The following TECPR2 variants were observed in gnomAD, a reference collection of about 807,000 sequenced individuals.
TECPR2 encodes tectonin beta-propeller repeat containing 2.
A neutral mutation model predicts 138.1 loss-of-function variants in TECPR2; 65 were observed. The ratio of observed to expected loss-of-function variants is 0.47; its 90% CI spans 0.39 to 0.58. The LOEUF (loss-of-function observed/expected upper bound fraction) is 0.58. Ranked by LOEUF, TECPR2 falls within the 20% of genes least tolerant of loss-of-function variation. TECPR2 has a pLI of 0.00. For missense variants in TECPR2, 1,553 were observed against 1,824.5 expected (o/e 0.85, Z 2.71); for synonymous variants, 746 against 749.8 (o/e 0.99, Z 0.08).
At chr14:102,464,012 CAG>C (rs1477511017) in intron 16 of TECPR2, among the ~76,000 whole-genome samples, 5 of 152,222 alleles carry the variant, frequency 3.3e-5, no homozygotes, top group African/African-American at 1.2e-4. Context: ...TCTCAGAGGT[CAG>C]AGGTTGCTGA....
rs145464166 is a variant in TECPR2, at chr14:102,493,151, G to A, written c.3790-3828G>A. The stretch of plus-strand genomic sequence containing the variant: ...ATCTCCTCCTCTCTCCATCATTCCC[G>A]TTGTCCTTGACTTACTATTCAAAAG... On this transcript the variant is annotated intron_variant, in intron 17 of 19. Coordinates refer to ENST00000359520, the MANE Select transcript of TECPR2 (RefSeq NM_014844.5). Among the ~76,000 whole-genome samples the A allele has an allele frequency of 2.0e-3, 307 of 152,260 alleles. 1 individual carries two copies. The highest frequency in any genetic ancestry group is 7.2e-3 in the African/African-American group (300 of 41,552).
At chr14:102,397,989 C>T (rs1181944045) in intron 2 of TECPR2, among the ~76,000 whole-genome samples, 4 of 148,530 alleles carry the variant, frequency 2.7e-5, no homozygotes, top group Non-Finnish European at 4.4e-5. Flanking sequence ...AGGAGAATCA[C>T]TTGTACCCGG....
At chr14:102,482,317 A>G (rs907787857) in intron 17 of TECPR2, among the ~76,000 whole-genome samples, 2 of 152,166 alleles carry the variant, frequency 1.3e-5, no homozygotes, top group Admixed American at 1.3e-4. Flanking sequence ...TGGCCTCCCA[A>G]AGTGCTGGGA....
At chr14:102,465,384 G>T in intron 17 of TECPR2, 95 bp downstream of exon 17, 1 of 1,511,678 alleles carries the variant, frequency 6.6e-7, no homozygotes. Context: ...AGCCTCTAGA[G>T]GCCTCCCAGC....
intron 17 of TECPR2, among the ~76,000 whole-genome samples, chr14:102,481,398 C>G (rs1890891284): frequency 6.6e-6 from 1 of 152,222 alleles, no homozygotes; most frequent in Admixed American, 6.5e-5. Context: ...ATCCACCTGT[C>G]TTGGCCTCCC....
At chr14:102,370,837 G>A (rs1887486401) in intron 1 of TECPR2, among the ~76,000 whole-genome samples, 1 of 152,184 alleles carries the variant, frequency 6.6e-6, no homozygotes, top group African/African-American at 2.4e-5. Context: ...ACACACTGAG[G>A]TGTGTGGGAG....
At chr14:102,451,446 T>C (rs1036567511) in intron 15 of TECPR2, among the ~76,000 whole-genome samples, 2 of 152,238 alleles carry the variant, frequency 1.3e-5, no homozygotes, top group African/African-American at 2.4e-5. Flanking sequence ...ACCACAGTTC[T>C]GGAACCCAGA....
At chr14:102,493,686 C>CGAGT (rs1891207318) in intron 17 of TECPR2, among the ~76,000 whole-genome samples, 2 of 152,176 alleles carry the variant, frequency 1.3e-5, no homozygotes, top group African/African-American at 4.8e-5. Context: ...GTCCTGGCAC[C>CGAGT]CCTGCCCTCC....
intron 17 of TECPR2, among the ~76,000 whole-genome samples, chr14:102,485,069 C>A (rs1279890119): frequency 6.6e-6 from 1 of 152,242 alleles, no homozygotes; most frequent in African/African-American, 2.4e-5. Context: ...CTGGCTTCTT[C>A]AGCGCCCTGC....
Position 102,428,397 on chromosome 14 carries a change from T to G in TECPR2, c.1084+15T>G. On this transcript the variant is annotated intron_variant, in intron 7 of 19. Transcript: ENST00000359520. ...AACATCAACAGGTTTGTATTTATTA[T>G]AAAATGTACCATGTATATGATGGGA... 1.2e-6 allele frequency: 2 copies of G among 1,608,092 alleles called. No individual in the cohort carries two copies. The highest frequency in any genetic ancestry group is 1.7e-6 in the Non-Finnish European group (2 of 1,178,456).
chr14:102,499,445 C>T lies in TECPR2; in HGVS notation c.*1188C>T. On this transcript the variant is annotated 3_prime_UTR_variant, in exon 20 of 20. Transcript: ENST00000359520. Reference sequence around the variant, plus strand: ...TGTTCCTTCCCGGGTTTGTCCTGAGCCTGCACTGTCCTCGCCTGCAGCCTC... The same window carrying T: ...TGTTCCTTCCCGGGTTTGTCCTGAGTCTGCACTGTCCTCGCCTGCAGCCTC... The T allele has an allele frequency of 3.6e-6, 2 of 560,020 alleles. No individual in the cohort carries two copies. Among genetic ancestry groups the T allele is most frequent in the Non-Finnish European group, 3.2e-6 (1 of 312,136 alleles). The allele number at this position is 560,020 out of a possible 1,614,324, so 34.7% of individuals were successfully genotyped here.
chr14:102,480,427 T>C (rs1395026253), intron 17 of TECPR2, among the ~76,000 whole-genome samples: 1 of 152,078 alleles, frequency 6.6e-6, no homozygotes, highest in East Asian at 1.9e-4. Context: ...GTTTTCACTG[T>C]GTTAGCCAGG....
At chr14:102,425,389 G>A in intron 6 of TECPR2, 98 bp downstream of exon 6, 1 of 1,286,450 alleles carries the variant, frequency 7.8e-7, no homozygotes, top group Non-Finnish European at 1.0e-6. Flanking sequence ...GCTACCAGGA[G>A]CAGTATTGAC....
At chr14:102,392,515 A>C (rs1389159347) in intron 2 of TECPR2, among the ~76,000 whole-genome samples, 1 of 151,896 alleles carries the variant, frequency 6.6e-6, no homozygotes, top group Non-Finnish European at 1.5e-5. Flanking sequence ...TCTATTTCCA[A>C]TAGTAGTTGT....
chr14:102,435,442 A>T lies in TECPR2; in HGVS notation c.2394+231A>T, dbSNP rs146304206. Among the ~76,000 whole-genome samples the T allele has an allele frequency of 3.3e-3, 509 of 152,280 alleles. 2 individuals are homozygous for T. Among genetic ancestry groups the T allele is most frequent in the Middle Eastern group, 0.01 (3 of 294 alleles). On this transcript the variant is annotated intron_variant, in intron 9 of 19. Transcript: ENST00000359520. ...CCCTGCTCAGTAACCTGCCTCCCCAACCAAGGTAGCGTCTTGCTGTTTCCT... is the reference window on the plus strand; with the variant it reads ...CCCTGCTCAGTAACCTGCCTCCCCATCCAAGGTAGCGTCTTGCTGTTTCCT...
At position 102,457,869 on chromosome 14, in the gene TECPR2, C is replaced by CTTTTTTTTTTTTTTTT. The variant is rs748372168; in HGVS notation, c.3640+5248_3640+5263dup. Reference sequence around the variant, plus strand: ...CGCTCCTCTGCTCCCACTAAATTCCCTTTTTTTTTTTTTTTTTTTTTGAGA... The same window carrying CTTTTTTTTTTTTTTTT: ...CGCTCCTCTGCTCCCACTAAATTCCCTTTTTTTTTTTTTTTTTTTTTTTTTTTTTTTTTTTTTGAGA... On this transcript the variant is annotated intron_variant, in intron 16 of 19. Transcript: ENST00000359520. 5.0e-4 allele frequency among the ~76,000 whole-genome samples: 51 copies of CTTTTTTTTTTTTTTTT among 102,742 alleles called. 7 individuals carry two copies. Among genetic ancestry groups the CTTTTTTTTTTTTTTTT allele is most frequent in the African/African-American group, 1.5e-3 (37 of 24,488 alleles). The allele number at this position is 102,742 out of a possible 152,430, so 67.4% of individuals were successfully genotyped here.
intron 2 of TECPR2, among the ~76,000 whole-genome samples, 183 bp from the exon 3 acceptor site, chr14:102,407,155 C>T (rs1191624084): frequency 1.3e-5 from 2 of 152,224 alleles, no homozygotes; most frequent in Admixed American, 6.5e-5. Context: ...CCACCACGCC[C>T]AGCCCTGTTT....
At chr14:102,387,018 C>T (rs1385260615) in intron 2 of TECPR2, among the ~76,000 whole-genome samples, 3 of 152,054 alleles carry the variant, frequency 2.0e-5, no homozygotes, top group East Asian at 1.9e-4. Context: ...AATACAGATG[C>T]GTGGTCTCTT....
chr14:102,412,765 G>A (rs1888918632), intron 4 of TECPR2, among the ~76,000 whole-genome samples: 1 of 152,160 alleles, frequency 6.6e-6, no homozygotes, highest in African/African-American at 2.4e-5. Flanking sequence ...ACCACTGAGT[G>A]TATTTCAGTG....
Sources: gnomAD v4.1 joint callset for allele counts (sites outside exome capture counted in the v4.1 genomes callset) on GRCh38, gnomAD v4.1.1 for gene constraint, MANE v1.5 for transcripts, NCBI Gene and HGNC (gene_info 2026-07-23, HGNC 2026-07-21) for gene names.